The following DACT1 variants were observed in gnomAD, a reference collection of about 807,000 sequenced individuals.
DACT1 encodes the protein dapper homolog 1.
In DACT1, 19 loss-of-function variants were observed where a neutral mutation model predicts 35.3. That is an observed-to-expected ratio of 0.54 (90% CI 0.38 to 0.79). The LOEUF is 0.79. Ranked by LOEUF, DACT1 falls within the 30% of genes least tolerant of loss-of-function variation. The probability of loss-of-function intolerance (pLI) is 0.00; values close to 1 mark genes in which losing one functional copy is unlikely to be tolerated. For synonymous variants in DACT1, 545 were observed against 466.7 expected (o/e 1.17, Z -2.16); for missense variants, 1,143 against 1,057.5 (o/e 1.08, Z -1.12).
At chr14:58,642,005 T>C (rs2047631402) in intron 3 of DACT1, among the ~76,000 whole-genome samples, 1 of 152,222 alleles carries the variant, frequency 6.6e-6, no homozygotes, top group South Asian at 2.1e-4. Flanking sequence ...TGTCCCAATA[T>C]TGTAGGTCTT....
Position 58,646,470 on chromosome 14 carries a change from A to C in DACT1, c.1736A>C (p.Asp579Ala), listed in dbSNP as rs2047684216. 1.3e-6 allele frequency: 2 copies of C among 1,572,866 alleles called. No individual in the cohort carries two copies. Among genetic ancestry groups the C allele is most frequent in the East Asian group, 4.6e-5 (2 of 43,240 alleles). The change falls in exon 4 of 4, where the codon GAT (aspartate) becomes GCT (alanine). Residue 579 changes from aspartate to alanine, a missense_variant. Transcript: ENST00000395153. Reference protein sequence around the residue: ...RAGSKKCRFPDDLDTNKKLKK... With the variant: ...RAGSKKCRFPADLDTNKKLKK... ...GGGAGCAAGAAGTGTCGCTTCCCAG[A>C]TGACTTGGATACAAATAAGAAACTC...
At chr14:58,634,487 T>C (rs1243122532), upstream of DACT1, among the ~76,000 whole-genome samples, 13 of 152,232 alleles carry the variant, frequency 8.5e-5, no homozygotes, top group Non-Finnish European at 1.9e-4. Flanking sequence ...AGTTTATATA[T>C]GAAGTTTAAT....
upstream of DACT1, among the ~76,000 whole-genome samples, chr14:58,636,219 C>A (rs536571426): frequency 2.0e-5 from 3 of 152,174 alleles, no homozygotes; most frequent in African/African-American, 7.2e-5. Flanking sequence ...CAAGGGAGTT[C>A]TTTTGTTTTT....
At position 58,638,432 on chromosome 14, in the gene DACT1, G is replaced by C. The variant is rs753266802; in HGVS notation, c.230G>C (p.Gly77Ala). The C allele has an allele frequency of 1.5e-6, 2 of 1,331,024 alleles. No homozygotes were observed. Among genetic ancestry groups the C allele is most frequent in the South Asian group, 2.4e-5 (1 of 42,246 alleles). 82.5% of individuals were successfully genotyped at this position (1,331,024 alleles called of 1,614,324 possible). ...GTCAGGGGCGCCCTGCGCGGCGCCG[G>C]GGGTGCGGGAGCCGCTGCGCCCCGC... ...LLVRGALRGA[G>A]GAGAAAPRAG... Residue 77 changes from glycine (G) to alanine (A), a missense_variant, in exon 1 of 4, where the codon GGG becomes GCG. Gly to Ala is a moderately conservative substitution (Grantham distance 60, BLOSUM62 0). Around this residue, in one of 3 missense-constraint regions of DACT1, gnomAD observed 1,054 missense variants for 958.8 expected, o/e 1.10. Transcript: ENST00000395153.
intron 1 of DACT1, among the ~76,000 whole-genome samples, chr14:58,639,640 T>G (rs2047608778): frequency 6.6e-6 from 1 of 152,250 alleles, no homozygotes; most frequent in Non-Finnish European, 1.5e-5. Flanking sequence ...TCATTTTTCC[T>G]GAAGAAATTA....
At chr14:58,645,272 T>C (rs1354905893) in intron 3 of DACT1, 97 bp from the exon 4 acceptor site, 4 of 1,613,854 alleles carry the variant, frequency 2.5e-6, no homozygotes, top group Non-Finnish European at 1.7e-6. Flanking sequence ...CATAGGATTG[T>C]TGGAATATAA....
intron 3 of DACT1, among the ~76,000 whole-genome samples, chr14:58,642,113 A>G (rs1184468776): frequency 6.6e-6 from 1 of 152,202 alleles, no homozygotes; most frequent in Non-Finnish European, 1.5e-5. Flanking sequence ...AAACTCAGCC[A>G]GGTGCAGTGG....
upstream of DACT1, among the ~76,000 whole-genome samples, chr14:58,634,987 C>G (rs750282089): frequency 1.3e-5 from 2 of 152,226 alleles, no homozygotes; most frequent in Non-Finnish European, 2.9e-5. Flanking sequence ...ATCCAGGCAG[C>G]AGGTCCACCC....
chr14:58,638,623 C>G, intron 1 of DACT1, 76 bp downstream of exon 1: 1 of 1,263,954 alleles, frequency 7.9e-7, no homozygotes, highest in South Asian at 3.8e-5. Flanking sequence ...CTGGGGCGGG[C>G]GCGAGGTTGA....
Position 58,638,138 on chromosome 14 carries a change from G to GCGCC in DACT1, c.-63_-60dup. ...GAGCCCACCCGCGGCCGCAGCCCTAGCGCCCTGCTCCTCCGCCTGGGCGGC... is the reference window on the plus strand; with the variant it reads ...GAGCCCACCCGCGGCCGCAGCCCTAGCGCCCGCCCTGCTCCTCCGCCTGGGCGGC... On this transcript the variant is annotated 5_prime_UTR_variant, in exon 1 of 4. An upstream open reading frame in the 5' UTR loses its in-frame stop. Transcript: ENST00000395153. The GCGCC allele has an allele frequency of 8.0e-7, 1 of 1,248,614 alleles. No homozygotes were observed. The highest frequency in any genetic ancestry group is 1.0e-6 in the Non-Finnish European group (1 of 995,878). The allele number at this position is 1,248,614 out of a possible 1,614,324, so 77.3% of individuals were successfully genotyped here.
At position 58,646,565 on chromosome 14, in the gene DACT1, G is replaced by A; in HGVS notation, c.1831G>A (p.Gly611Ser). 1 of 1,562,912 alleles carries A rather than the reference G, an allele frequency of 6.4e-7. No homozygotes were observed. The highest frequency in any genetic ancestry group is 1.4e-5 in the African/African-American group (1 of 73,274). ...PEAGVPGRPA[G>S]GGHRAGSRAH... ...GGCTGGTGTTCCCGGCAGGCCCGCGGGCGGGGGCCACAGGGCGGGGAGCAG... is the reference window on the plus strand; with the variant it reads ...GGCTGGTGTTCCCGGCAGGCCCGCGAGCGGGGGCCACAGGGCGGGGAGCAG... Residue 611 changes from glycine to serine, a missense_variant, in exon 4 of 4, where the codon GGC (glycine) becomes AGC (serine). Transcript: ENST00000395153.
rs368265151 is a variant in DACT1 at position 58,640,986 on chromosome 14, T to C, written c.478+118T>C. 22 of 1,141,110 alleles carry C rather than the reference T, an allele frequency of 1.9e-5. No homozygotes were observed. The African/African-American group carries it at 2.8e-4, about 14-fold the overall frequency. The allele number at this position is 1,141,110 out of a possible 1,614,324, so 70.7% of individuals were successfully genotyped here. On this transcript the variant is annotated intron_variant, in intron 2 of 3. Transcript: ENST00000395153. ...GAGTTTGTTTCCAGTGCAGAGAGGA[T>C]AAACAAAAAAGAAGTCTGCCATTCA... is the stretch of plus-strand genomic sequence containing the variant.
Position 58,646,120 on chromosome 14 carries a change from G to T in DACT1, c.1386G>T (p.Glu462Asp), listed in dbSNP as rs145184753. ...SPSRGPAPPQ[E>D]NKVVQPLKKM... ...GCAGAGGCCCTGCCCCGCCGCAGGA[G>T]AACAAAGTTGTACAGCCCCTGAAAA... The change falls in exon 4 of 4, where the codon GAG becomes GAT. Residue 462 changes from glutamate to aspartate, a missense_variant. Around this residue, in one of 3 missense-constraint regions of DACT1, gnomAD observed 1,054 missense variants for 958.8 expected, o/e 1.10. Coordinates refer to ENST00000395153, the MANE Select transcript of DACT1 (RefSeq NM_001079520.2). The T allele has an allele frequency of 1.7e-5, 27 of 1,612,798 alleles. No individual in the cohort carries two copies. The highest frequency in any genetic ancestry group is 2.0e-5 in the Non-Finnish European group (24 of 1,179,722).
chr14:58,638,969 G>A (rs1367779568), intron 1 of DACT1: 3 of 987,176 alleles, frequency 3.0e-6, no homozygotes, highest in Admixed American at 6.1e-5. Flanking sequence ...CCCGCCGAGA[G>A]GGGCCAAAAG....
At chr14:58,643,860 C>A (rs972764753) in intron 3 of DACT1, among the ~76,000 whole-genome samples, 3 of 152,110 alleles carry the variant, frequency 2.0e-5, no homozygotes, top group African/African-American at 7.2e-5. Flanking sequence ...AGAGAGGTTT[C>A]CTTTTAGAAC....
At position 58,645,513 on chromosome 14, in the gene DACT1, G is replaced by A. The variant is rs1166697782; in HGVS notation, c.779G>A (p.Arg260Lys). Residue 260 changes from arginine (R) to lysine (K), a missense_variant, in exon 4 of 4, where the codon AGG becomes AAG. Physicochemically the swap from Arg to Lys is conservative, Grantham distance 26. Transcript: ENST00000395153. ...GGCAACCCTCTGAGGGAAGAGGACA[G>A]GCTTGGAAACCATGCCAGTGACATT... ...LTGNPLREED[R>K]LGNHASDICG... 2.6e-5 allele frequency: 42 copies of A among 1,614,116 alleles called. No homozygotes were observed. The highest frequency in any genetic ancestry group is 3.4e-5 in the Non-Finnish European group (40 of 1,180,044).
chr14:58,644,552 C>G (rs774058075), intron 3 of DACT1, among the ~76,000 whole-genome samples: 1 of 152,128 alleles, frequency 6.6e-6, no homozygotes, highest in Non-Finnish European at 1.5e-5. Context: ...TTTTTAGCAT[C>G]ACTATTGAAA....
At chr14:58,639,013 C>T (rs1420316759) in intron 1 of DACT1, 13 of 985,490 alleles carry the variant, frequency 1.3e-5, no homozygotes, top group Non-Finnish European at 1.6e-5. Flanking sequence ...CTTAACTGTC[C>T]AGGGCCGAGT....
intron 3 of DACT1, among the ~76,000 whole-genome samples, chr14:58,642,635 A>G (rs1326519494): frequency 6.6e-6 from 1 of 152,152 alleles, no homozygotes; most frequent in African/African-American, 2.4e-5. Flanking sequence ...CGGAGGTTGC[A>G]GTGAGCCGAG....
Sources: allele counts gnomAD v4.1 joint callset (sites outside exome capture counted in the v4.1 genomes callset), GRCh38; gene constraint gnomAD v4.1.1; regional missense constraint gnomAD v4.1.1; transcripts MANE v1.5; gene names NCBI Gene and HGNC (gene_info 2026-07-23, HGNC 2026-07-21).